The following WDR64 variants were observed in gnomAD, a reference collection of about 807,000 sequenced individuals.
WDR64 encodes WD repeat-containing protein 64.
A neutral mutation model predicts 139.3 loss-of-function variants in WDR64; 112 were observed. That is an observed-to-expected ratio of 0.80 (90% confidence interval 0.69 to 0.94). The LOEUF is 0.94. Ranked by LOEUF, WDR64 falls within the 40% of genes least tolerant of loss-of-function variation. The pLI, the probability that WDR64 is intolerant of heterozygous loss-of-function variation, is 0.00. For missense variants in WDR64, 1,206 were observed against 1,293.1 expected (o/e 0.93, Z 1.03); for synonymous variants, 444 against 437.7 (o/e 1.01, Z -0.18).
chr1:241,799,982 T>C (rs910464537), intron 27 of WDR64, among the ~76,000 whole-genome samples: 2 of 152,146 alleles, frequency 1.3e-5, no homozygotes, highest in African/African-American at 4.8e-5. Flanking sequence ...GAATGTAAGA[T>C]CCATGAAGGC....
chr1:241,687,323 G>A (rs1291550599), intron 7 of WDR64, 138 bp from the exon 8 acceptor site: 11 of 892,564 alleles, frequency 1.2e-5, no homozygotes, highest in Admixed American at 3.0e-5. Context: ...AAAAAAAAAG[G>A]TGTTATAATG....
intron 9 of WDR64, among the ~76,000 whole-genome samples, chr1:241,716,650 T>TATGATGATG (rs10612577): frequency 6.6e-5 from 10 of 151,014 alleles, no homozygotes; most frequent in Admixed American, 2.6e-4. Flanking sequence ...TGAATCAACA[T>TATGATGATG]ATGATGATGA....
chr1:241,758,820 T>C (rs545036248), intron 15 of WDR64, among the ~76,000 whole-genome samples: 1 of 152,232 alleles, frequency 6.6e-6, no homozygotes, highest in Non-Finnish European at 1.5e-5. Flanking sequence ...GTTTCTCCAA[T>C]ATATTCTACT....
chr1:241,774,980 C>T (rs925469485), intron 20 of WDR64, 125 bp from the exon 21 acceptor site: 9 of 705,222 alleles, frequency 1.3e-5, no homozygotes, highest in Admixed American at 5.6e-5. Context: ...ACAGGGGAAT[C>T]GTGGTTCAGT....
intron 15 of WDR64, among the ~76,000 whole-genome samples, chr1:241,759,978 T>C (rs986450444): frequency 2.0e-5 from 3 of 152,240 alleles, no homozygotes; most frequent in African/African-American, 7.2e-5. Flanking sequence ...GGTATTTCTC[T>C]TTTGTGACTG....
At chr1:241,766,401 G>A in intron 16 of WDR64, 50 bp downstream of exon 16, 1 of 1,576,474 alleles carries the variant, frequency 6.3e-7, no homozygotes, top group Non-Finnish European at 8.6e-7. Context: ...CTGCAGAAGG[G>A]CTCAGTAGCA....
chr1:241,678,469 A>C (rs1666646467), intron 5 of WDR64, among the ~76,000 whole-genome samples: 1 of 152,188 alleles, frequency 6.6e-6, no homozygotes, highest in African/African-American at 2.4e-5. Flanking sequence ...TGGAAGCTTC[A>C]ATTTAAAAGC....
At chr1:241,694,775 A>G (rs1212315500) in intron 8 of WDR64, among the ~76,000 whole-genome samples, 5 of 152,192 alleles carry the variant, frequency 3.3e-5, no homozygotes, top group Admixed American at 1.3e-4. Context: ...TTTCCAGCAC[A>G]TTTACCAGGG....
At position 241,766,223 on chromosome 1, in the gene WDR64, C is replaced by T. The variant is rs1028368392; in HGVS notation, c.1953C>T (p.Pro651=). 2 of 1,613,286 alleles carry T rather than the reference C, an allele frequency of 1.2e-6. No individual in the cohort carries two copies. Among genetic ancestry groups the T allele is most frequent in the African/African-American group, 2.7e-5 (2 of 74,854 alleles). ...CTGTTTCCTTCGTTCTTCAGAATCC[C>T]ACCATGGATTTATTACGAGTGAACT... ...ERNFSQPTDN[P]TMDLLRVNCI... is the part of the protein sequence containing the mutation. The change falls in exon 16 of 28, where the codon CCC becomes CCT. Residue 651 remains proline, a synonymous_variant. Transcript: ENST00000437684.
intron 10 of WDR64, among the ~76,000 whole-genome samples, chr1:241,733,913 T>C (rs1280873122): frequency 6.6e-6 from 1 of 152,100 alleles, no homozygotes; most frequent in Non-Finnish European, 1.5e-5. Context: ...CTAATACCTG[T>C]CATAAGAACA....
intron 3 of WDR64, among the ~76,000 whole-genome samples, chr1:241,671,600 G>A (rs1024008683): frequency 1.3e-5 from 2 of 152,164 alleles, no homozygotes; most frequent in East Asian, 1.9e-4. Context: ...TCTTAAAGAT[G>A]TTTAACCTGA....
intron 2 of WDR64, among the ~76,000 whole-genome samples, chr1:241,668,897 C>CAAA (rs71570905): frequency 3.3e-4 from 45 of 135,556 alleles, no homozygotes; most frequent in African/African-American, 6.3e-4. Flanking sequence ...AAGACTCCGT[C>CAAA]AAAAAAAAAA....
intron 10 of WDR64, among the ~76,000 whole-genome samples, chr1:241,732,846 C>A (rs1473096632): frequency 1.3e-5 from 2 of 151,036 alleles, no homozygotes; most frequent in South Asian, 2.1e-4. Context: ...AACAAAAAAA[C>A]AAAAAACAAA....
chr1:241,786,615 G>A (rs1659046348), intron 23 of WDR64, among the ~76,000 whole-genome samples: 1 of 152,172 alleles, frequency 6.6e-6, no homozygotes, highest in Non-Finnish European at 1.5e-5. Flanking sequence ...AGTAGCAGCT[G>A]TGGATGGAGG....
At chr1:241,698,413 A>G (rs1017960618) in intron 8 of WDR64, among the ~76,000 whole-genome samples, 4 of 151,954 alleles carry the variant, frequency 2.6e-5, no homozygotes, top group African/African-American at 9.7e-5. Context: ...TCTTGCCTCA[A>G]TATTATCCCT....
At chr1:241,723,186 G>A in intron 9 of WDR64, 111 bp from the exon 10 acceptor site, 3 of 1,371,020 alleles carry the variant, frequency 2.2e-6, no homozygotes, top group Non-Finnish European at 3.0e-6. Context: ...TGCCAGAAAC[G>A]GACTGTGATT....
At chr1:241,691,643 T>C (rs1000826982) in intron 8 of WDR64, among the ~76,000 whole-genome samples, 2 of 152,332 alleles carry the variant, frequency 1.3e-5, no homozygotes, top group East Asian at 1.9e-4. Context: ...AGGTATAGCA[T>C]GTTTGCACAA....
chr1:241,782,379 C>A (rs6667348), intron 22 of WDR64, among the ~76,000 whole-genome samples: 27,001 of 152,156 alleles, frequency 0.18, 2,827 homozygotes, highest in African/African-American at 0.27. Flanking sequence ...CAAATTTAGG[C>A]GGAATTGCGC....
At chr1:241,677,964 G>A (rs1382722493) in intron 4 of WDR64, among the ~76,000 whole-genome samples, 3 of 152,184 alleles carry the variant, frequency 2.0e-5, no homozygotes, top group African/African-American at 7.2e-5. Flanking sequence ...CAGTCACCAG[G>A]TTTAACAATG....
Sources: gnomAD v4.1 joint callset for allele counts (sites outside exome capture counted in the v4.1 genomes callset) on GRCh38, gnomAD v4.1.1 for gene constraint, MANE v1.5 for transcripts, NCBI Gene and HGNC (gene_info 2026-07-23, HGNC 2026-07-21) for gene names.